Variants in RIC3 observed in about 807,000 individuals in gnomAD.
RIC3 encodes the protein RIC3 acetylcholine receptor chaperone, also known as protein RIC-3.
RIC3 carries 28 observed loss-of-function variants against 27.3 expected under a neutral mutation model. The observed-to-expected ratio is 1.02, with a 90% CI of 0.76 to 1.41. The LOEUF is 1.41. RIC3 is among the 40% of genes most tolerant of loss of function. The probability of loss-of-function intolerance (pLI) is 0.00; values close to 1 mark genes in which losing one functional copy is unlikely to be tolerated. For missense variants in RIC3, 501 were observed against 444.7 expected, an observed-to-expected ratio of 1.13 and a Z score of -1.14; for synonymous variants, 184 against 160.4, an observed-to-expected ratio of 1.15 and a Z score of -1.11.
intron 1 of RIC3, among the ~76,000 whole-genome samples, chr11:8,156,622 C>T (rs1337357848): frequency 6.6e-6 from 1 of 152,180 alleles, no homozygotes; most frequent in Non-Finnish European, 1.5e-5. Context: ...AGGGTTCTCA[C>T]CATGCTTTGA....
chr11:8,148,641 G>T (rs1369635309), intron 1 of RIC3, among the ~76,000 whole-genome samples: 1 of 151,314 alleles, frequency 6.6e-6, no homozygotes, highest in Middle Eastern at 3.2e-3. Context: ...AACTTTTATA[G>T]ATCTGTCAGC....
intron 4 of RIC3, among the ~76,000 whole-genome samples, chr11:8,133,142 C>A (rs2133781176): frequency 6.6e-6 from 1 of 152,304 alleles, no homozygotes; most frequent in East Asian, 1.9e-4. Flanking sequence ...ATAAAGTGGG[C>A]TGGCCTCTGG....
downstream of RIC3, chr11:8,101,852 C>CGG: frequency 7.1e-6 from 3 of 423,634 alleles, no homozygotes; most frequent in South Asian, 1.9e-4. Flanking sequence ...ATAATTCTTT[C>CGG]CATGCCACGA....
the RIC3 span, among the ~76,000 whole-genome samples, chr11:8,099,132 G>A: frequency 6.6e-5 from 10 of 152,178 alleles, no homozygotes; most frequent in African/African-American, 1.9e-4. Flanking sequence ...TCCAGGCCAG[G>A]AGTCTCTTAG....
chr11:8,167,385 T>C (rs1951791289), intron 1 of RIC3, among the ~76,000 whole-genome samples: 1 of 152,088 alleles, frequency 6.6e-6, no homozygotes. Context: ...TCAGGGGAAG[T>C]CTCTCTGAGG....
At chr11:8,149,679 T>A (rs1449833304) in intron 1 of RIC3, among the ~76,000 whole-genome samples, 1 of 152,226 alleles carries the variant, frequency 6.6e-6, no homozygotes, top group Non-Finnish European at 1.5e-5. Flanking sequence ...ACCAACTGAC[T>A]GATGGGTCAT....
intron 1 of RIC3, among the ~76,000 whole-genome samples, chr11:8,161,536 T>A (rs1951163405): frequency 6.6e-6 from 1 of 152,226 alleles, no homozygotes; most frequent in South Asian, 2.1e-4. Flanking sequence ...ATATCCATAT[T>A]TTCCTTTGGG....
chr11:8,128,177 C>CCA, intron 4 of RIC3: 2 of 457,158 alleles, frequency 4.4e-6, no homozygotes, highest in Non-Finnish European at 8.8e-6. Context: ...TTAAAACAAC[C>CCA]CACTTTGTGT....
At chr11:8,149,375 TTGGC>T (rs1565094646) in intron 1 of RIC3, among the ~76,000 whole-genome samples, 2 of 152,060 alleles carry the variant, frequency 1.3e-5, no homozygotes, top group Non-Finnish European at 2.9e-5. Context: ...CCAAATTAGT[TTGGC>T]TCCATTTAGG....
intron 4 of RIC3, 54 bp from the exon 5 acceptor site, chr11:8,126,861 G>A: frequency 6.2e-7 from 1 of 1,600,712 alleles, no homozygotes. Flanking sequence ...CTAGGCAATG[G>A]ACGTAAACAT....
chr11:8,163,089 C>G (rs1315015937), intron 1 of RIC3, among the ~76,000 whole-genome samples: 1 of 149,210 alleles, frequency 6.7e-6, no homozygotes, highest in Non-Finnish European at 1.5e-5. Flanking sequence ...ACTTTAAGAA[C>G]TGCCTCCTCA....
rs754804421 is a variant in RIC3, at chr11:8,138,352, G to C, written c.352-5C>G. The stretch of plus-strand genomic sequence containing the variant: ...AGTTGTTTTCCCCTTTGAGAGCTGA[G>C]AATTGAAGGAGGTATAGCACATCAA... On this transcript the variant is annotated splice_region_variant and splice_polypyrimidine_tract_variant and intron_variant, in intron 2 of 5. Transcript: ENST00000309737. 29 of 1,598,988 alleles carry C rather than the reference G, an allele frequency of 1.8e-5. No individual in the cohort carries two copies.
intron 4 of RIC3, among the ~76,000 whole-genome samples, chr11:8,136,400 T>C (rs1361625247): frequency 6.6e-6 from 1 of 152,208 alleles, no homozygotes; most frequent in African/African-American, 2.4e-5. Flanking sequence ...CCCCCTAATA[T>C]TCTTCCTCCA....
In RIC3 at chr11:8,109,247, G is replaced by C. The variant is rs190606934; in HGVS notation, c.*1451C>G. ...GCACCTTATTCATGCCAAGCATAAT[G>C]TAACTCTAAAAGCCATATCTACCTT... On this transcript the variant is annotated 3_prime_UTR_variant, in exon 6 of 6. Coordinates refer to ENST00000309737, the MANE Select transcript of RIC3 (RefSeq NM_001206671.4). 6.6e-6 allele frequency: 1 copy of C among 152,186 alleles called. No individual in the cohort carries two copies. The allele number at this position is 152,186 out of a possible 1,614,324, so 9.4% of individuals were successfully genotyped here.
intron 1 of RIC3, among the ~76,000 whole-genome samples, chr11:8,141,000 C>T (rs1158023812): frequency 4.0e-5 from 6 of 148,842 alleles, no homozygotes; most frequent in Non-Finnish European, 8.9e-5. Flanking sequence ...TTGTCACCAC[C>T]AGGCCTGCCC....
rs1204648700 is a variant in RIC3 at position 8,145,065 on chromosome 11, G to C, written c.125-4872C>G. On this transcript the variant is annotated intron_variant, in intron 1 of 5. Coordinates refer to ENST00000309737, the MANE Select transcript of RIC3 (RefSeq NM_001206671.4). ...GGAGGGGGGAGGGATAGCATTGGGAGATATACCTAATGCTAGATGACGAGT... is the reference window on the plus strand; with the variant it reads ...GGAGGGGGGAGGGATAGCATTGGGACATATACCTAATGCTAGATGACGAGT... 4.9e-5 allele frequency among the ~76,000 whole-genome samples: 7 copies of C among 143,314 alleles called. No homozygotes were observed. In the South Asian group the frequency reaches 1.7e-3, roughly 34 times the overall value. The allele number at this position is 143,314 out of a possible 152,430, so 94.0% of individuals were successfully genotyped here.
intron 4 of RIC3, among the ~76,000 whole-genome samples, chr11:8,131,838 T>G (rs1947764619): frequency 7.1e-6 from 1 of 140,396 alleles, no homozygotes; most frequent in Non-Finnish European, 1.5e-5. Context: ...GAGGTGGAGG[T>G]TGCAGTGACC....
intron 1 of RIC3, among the ~76,000 whole-genome samples, chr11:8,144,178 T>C (rs1304311673): frequency 6.6e-6 from 1 of 151,868 alleles, no homozygotes; most frequent in Non-Finnish European, 1.5e-5. Context: ...AATTGTCAAA[T>C]GGGATCTAAT....
chr11:8,100,489 G>A, the RIC3 span: 61 of 1,611,400 alleles, frequency 3.8e-5, no homozygotes, highest in East Asian at 3.1e-4. Flanking sequence ...CCAGTGTTGC[G>A]TTCTCTTTCC....
Sources: gnomAD v4.1 joint callset for allele counts (sites outside exome capture counted in the v4.1 genomes callset) on GRCh38, gnomAD v4.1.1 for gene constraint, MANE v1.5 for transcripts, NCBI Gene and HGNC (gene_info 2026-07-23, HGNC 2026-07-21) for gene names.